Variants in ACVR1C observed in about 807,000 individuals in gnomAD.
ACVR1C encodes the protein activin receptor type-1C.
Under a neutral mutation model 57.9 loss-of-function variants are expected in ACVR1C, and 23 were observed. The observed-to-expected ratio is 0.40, with a 90% confidence interval of 0.29 to 0.56. ACVR1C has a LOEUF of 0.56. ACVR1C is among the 20% of genes least tolerant of loss of function. The pLI is 0.50. For synonymous variants in ACVR1C, 214 were observed against 215.3 expected (o/e 0.99, Z 0.05); for missense variants, 480 against 607.9 (o/e 0.79, Z 2.21).
chr2:157,601,803 T>G (rs1682288679), intron 1 of ACVR1C, among the ~76,000 whole-genome samples: 1 of 152,150 alleles, frequency 6.6e-6, no homozygotes, highest in African/African-American at 2.4e-5. Context: ...AATCTGTCCA[T>G]GCACTGATGA....
At chr2:157,561,821 C>T (rs921372398) in intron 2 of ACVR1C, among the ~76,000 whole-genome samples, 1 of 152,168 alleles carries the variant, frequency 6.6e-6, no homozygotes, top group African/African-American at 2.4e-5. Context: ...TTTCTTGATG[C>T]TTTACTAAGT....
At position 157,528,861 on chromosome 2, in the gene ACVR1C, G is replaced by A. The variant is rs1177963080; in HGVS notation, c.*5057C>T. On this transcript the variant is annotated 3_prime_UTR_variant, in exon 9 of 9. Transcript: ENST00000243349. ...CTATAGTGCCAAATGAAGGATTACT[G>A]GAGAAGTTATGAGGTGAAACCTCTT... is the stretch of plus-strand genomic sequence containing the variant. The A allele has an allele frequency of 1.3e-5, 2 of 152,118 alleles. No individual in the cohort carries two copies. Among genetic ancestry groups the A allele is most frequent in the Non-Finnish European group, 2.9e-5 (2 of 68,000 alleles). The allele number at this position is 152,118 out of a possible 1,614,324, so 9.4% of individuals were successfully genotyped here.
In ACVR1C at chr2:157,528,667, A is replaced by G. The variant is rs1687288072; in HGVS notation, c.*5251T>C. 1 of 152,198 alleles carries G rather than the reference A, an allele frequency of 6.6e-6. No individual in the cohort carries two copies. The highest frequency in any genetic ancestry group is 6.6e-5 in the Admixed American group (1 of 15,258). The allele number at this position is 152,198 out of a possible 1,614,324, so 9.4% of individuals were successfully genotyped here. On this transcript the variant is annotated 3_prime_UTR_variant, in exon 9 of 9. Coordinates refer to ENST00000243349, the MANE Select transcript of ACVR1C (RefSeq NM_145259.3). ...CAGAAATAAATTTAACAATCACATT[A>G]TGGGGCATATATTTCAAATTGTCTT...
intron 1 of ACVR1C, among the ~76,000 whole-genome samples, chr2:157,594,837 T>C (rs1682051346): frequency 6.6e-6 from 1 of 152,238 alleles, no homozygotes; most frequent in Non-Finnish European, 1.5e-5. Context: ...AATATTTCAA[T>C]GGCTGACAGC....
At chr2:157,536,799 T>C (rs1687498341) in intron 8 of ACVR1C, among the ~76,000 whole-genome samples, 1 of 152,096 alleles carries the variant, frequency 6.6e-6, no homozygotes, top group Non-Finnish European at 1.5e-5. Flanking sequence ...TTCCATGAGA[T>C]TGACATAAAA....
chr2:157,587,541 G>T, intron 1 of ACVR1C, 124 bp from the exon 2 acceptor site: 1 of 687,512 alleles, frequency 1.5e-6, no homozygotes, highest in African/African-American at 1.8e-5. Flanking sequence ...AAAAACACTT[G>T]CTAAACACAT....
chr2:157,553,177 C>G (rs1258053298), intron 3 of ACVR1C, among the ~76,000 whole-genome samples: 1 of 152,218 alleles, frequency 6.6e-6, no homozygotes, highest in Non-Finnish European at 1.5e-5. Context: ...GGGAATCAGA[C>G]TCCCCCCTCC....
intron 1 of ACVR1C, among the ~76,000 whole-genome samples, chr2:157,626,429 C>G (rs1682898743): frequency 6.6e-6 from 1 of 152,252 alleles, no homozygotes; most frequent in South Asian, 2.1e-4. Context: ...ACTGGTTTAT[C>G]ATGTGTTCAG....
Position 157,577,127 on chromosome 2 carries a change from T to G in ACVR1C, c.304+10060A>C, listed in dbSNP as rs1688679226. 6.9e-5 allele frequency among the ~76,000 whole-genome samples: 3 copies of G among 43,202 alleles called. 1 individual carries two copies. In the South Asian group the frequency reaches 1.3e-3, roughly 19 times the overall value. The allele number at this position is 43,202 out of a possible 152,430, so 28.3% of individuals were successfully genotyped here. A position where few individuals can be genotyped will look rare whatever the true frequency, so the allele number is the denominator to read the frequency against. ...GCCTCGGCCTCCCAAAGTGCTGGGATTACAGGCGTGAGCCACCGCGCCCGG... is the reference window on the plus strand; with the variant it reads ...GCCTCGGCCTCCCAAAGTGCTGGGAGTACAGGCGTGAGCCACCGCGCCCGG... On this transcript the variant is annotated intron_variant, in intron 2 of 8. Transcript: ENST00000243349.
intron 7 of ACVR1C, 118 bp downstream of exon 7, chr2:157,540,972 C>A: frequency 8.0e-7 from 1 of 1,252,640 alleles, no homozygotes; most frequent in Non-Finnish European, 1.1e-6. Context: ...AAAAGGTATT[C>A]TCTTAAATAC....
intron 1 of ACVR1C, among the ~76,000 whole-genome samples, chr2:157,602,199 G>T (rs1254363525): frequency 6.6e-6 from 1 of 152,082 alleles, no homozygotes; most frequent in African/African-American, 2.4e-5. Context: ...TCACATATTG[G>T]TTACCACACT....
At chr2:157,598,836 C>T (rs948090091) in intron 1 of ACVR1C, among the ~76,000 whole-genome samples, 3 of 152,018 alleles carry the variant, frequency 2.0e-5, no homozygotes, top group Non-Finnish European at 4.4e-5. Context: ...ACCTGCCCAG[C>T]TTTAACAGTC....
intron 2 of ACVR1C, among the ~76,000 whole-genome samples, chr2:157,581,710 C>T (rs1485120355): frequency 1.3e-5 from 2 of 152,190 alleles, no homozygotes; most frequent in African/African-American, 2.4e-5. Flanking sequence ...ATCCACTTGG[C>T]TTTCAGGTGA....
chr2:157,536,477 T>C (rs554202599), intron 8 of ACVR1C, among the ~76,000 whole-genome samples: 27 of 152,154 alleles, frequency 1.8e-4, no homozygotes, highest in Non-Finnish European at 2.5e-4. Context: ...ATAGCACTAA[T>C]GGAAGATAGG....
intron 2 of ACVR1C, among the ~76,000 whole-genome samples, 190 bp downstream of exon 2, chr2:157,586,997 C>G (rs1558987958): frequency 6.6e-6 from 1 of 152,102 alleles, no homozygotes; most frequent in Non-Finnish European, 1.5e-5. Flanking sequence ...AATGTTTTGA[C>G]AATGATGTGC....
At chr2:157,592,562 C>T (rs575643949) in intron 1 of ACVR1C, among the ~76,000 whole-genome samples, 1 of 152,160 alleles carries the variant, frequency 6.6e-6, no homozygotes, top group Admixed American at 6.5e-5. Context: ...TATGATAGGA[C>T]TGACAGCGAA....
chr2:157,576,203 C>CT lies in ACVR1C; in HGVS notation c.304+10983dup, dbSNP rs10628650. Among the ~76,000 whole-genome samples the CT allele has an allele frequency of 6.6e-3, 642 of 97,910 alleles. 13 individuals carry two copies. Among genetic ancestry groups the CT allele is most frequent in the Non-Finnish European group, 7.4e-3 (377 of 50,790 alleles). 64.2% of individuals were successfully genotyped at this position (97,910 alleles called of 152,430 possible). A position where few individuals can be genotyped will look rare whatever the true frequency, so the allele number is the denominator to read the frequency against. ...ATTGTGGCTTGAGGAATAATCATTT[C>CT]TTTTTTTTTTTTTTTTTTTTGGCGA... On this transcript the variant is annotated intron_variant, in intron 2 of 8. Coordinates refer to ENST00000243349, the MANE Select transcript of ACVR1C (RefSeq NM_145259.3).
rs528149461 is a variant in ACVR1C at position 157,593,856 on chromosome 2, CT to C, written c.74-6440del. On this transcript the variant is annotated intron_variant, in intron 1 of 8. Transcript: ENST00000243349. ...AAAATATGGGCAATATAAATGCAAA[CT>C]TTTTTGGCCAAATGAGCTTTCAATA... Among the ~76,000 whole-genome samples, 4 of 152,222 alleles carry C rather than the reference CT, an allele frequency of 2.6e-5. No individual in the cohort carries two copies. The East Asian group carries it at 7.7e-4, about 29-fold the overall frequency.
At chr2:157,558,613 A>T (rs1282693436) in intron 2 of ACVR1C, among the ~76,000 whole-genome samples, 2 of 152,348 alleles carry the variant, frequency 1.3e-5, no homozygotes, top group East Asian at 3.9e-4. Context: ...TGCCTGATGA[A>T]TTTTAACTGA....
Sources: gnomAD v4.1 joint callset for allele counts (sites outside exome capture counted in the v4.1 genomes callset) on GRCh38, gnomAD v4.1.1 for gene constraint, MANE v1.5 for transcripts, NCBI Gene and HGNC (gene_info 2026-07-23, HGNC 2026-07-21) for gene names.